VRK3: variants seen among roughly 807,000 people sequenced by gnomAD.
The protein encoded by VRK3 is serine/threonine-protein kinase VRK3.
Under a neutral mutation model 60.4 loss-of-function variants are expected in VRK3, and 50 were observed. That is an observed-to-expected ratio of 0.83 (90% CI 0.66 to 1.05). The LOEUF (loss-of-function observed/expected upper bound fraction) is 1.05. VRK3 is among the 50% of genes least tolerant of loss of function. The pLI is 0.00. For missense variants in VRK3, 549 were observed against 585.3 expected, an observed-to-expected ratio of 0.94 and a Z score of 0.64; for synonymous variants, 246 against 227.8, an observed-to-expected ratio of 1.08 and a Z score of -0.72.
At chr19:49,993,198 G>A (rs946962083) in intron 9 of VRK3, among the ~76,000 whole-genome samples, 2 of 152,166 alleles carry the variant, frequency 1.3e-5, no homozygotes, top group Non-Finnish European at 2.9e-5. Context: ...ATCTACTCCT[G>A]TATTTCTCTC....
At chr19:50,003,576 GAC>G (rs1334206792) in intron 5 of VRK3, among the ~76,000 whole-genome samples, 1 of 152,214 alleles carries the variant, frequency 6.6e-6, no homozygotes. Context: ...TTCAGTACTG[GAC>G]AGAGACACAA....
rs1473184307 is a variant in VRK3, at chr19:49,995,227, G to GT, written c.727dup (p.Thr243AsnfsTer57). 6.2e-7 allele frequency: 1 copy of GT among 1,614,118 alleles called. No homozygotes were observed. Among genetic ancestry groups the GT allele is most frequent in the African/African-American group, 1.3e-5 (1 of 74,950 alleles). ...CTGGTGAACACCGAAACCCATGCAG[G>GT]TAGGGATGGCCAGCAGTGGGGTCGA... On this transcript the variant is annotated frameshift_variant, in exon 8 of 15. Transcript: ENST00000316763. LOFTEE classifies it high-confidence loss of function.
chr19:49,986,820 G>C (rs1382698652), intron 12 of VRK3: 1 of 152,170 alleles, frequency 6.6e-6, no homozygotes, highest in Non-Finnish European at 1.5e-5. Flanking sequence ...AGATATTCCC[G>C]GGGTCTGAGT....
chr19:50,021,584 C>A (rs1049055241), intron 1 of VRK3, among the ~76,000 whole-genome samples: 1 of 152,220 alleles, frequency 6.6e-6, no homozygotes, highest in African/African-American at 2.4e-5. Context: ...ACCACTTAAA[C>A]CCCAGCCTTC....
intron 9 of VRK3, among the ~76,000 whole-genome samples, chr19:49,993,774 G>A (rs371772984): frequency 1.2e-3 from 189 of 152,124 alleles, no homozygotes; most frequent in African/African-American, 4.3e-3. Flanking sequence ...TGACCCCAGG[G>A]CTCTACTGTC....
At chr19:50,002,556 G>A (rs1243439751) in intron 5 of VRK3, among the ~76,000 whole-genome samples, 1 of 152,200 alleles carries the variant, frequency 6.6e-6, no homozygotes, top group African/African-American at 2.4e-5. Flanking sequence ...GGTACTCAGA[G>A]GCAAGCAGGA....
intron 5 of VRK3, among the ~76,000 whole-genome samples, chr19:50,007,220 C>G (rs1393850402): frequency 6.6e-6 from 1 of 152,178 alleles, no homozygotes; most frequent in Non-Finnish European, 1.5e-5. Flanking sequence ...TCTCTGCACA[C>G]TGGCCAGAAC....
At chr19:50,016,288 G>A (rs1568816284) in intron 2 of VRK3, 125 bp from the exon 3 acceptor site, 1 of 1,263,728 alleles carries the variant, frequency 7.9e-7, no homozygotes, top group Non-Finnish European at 1.1e-6. Context: ...TCAACTGTTT[G>A]TGATGTTCAC....
At chr19:49,983,204 A>G (rs1199087978) in intron 12 of VRK3, among the ~76,000 whole-genome samples, 1 of 107,372 alleles carries the variant, frequency 9.3e-6, no homozygotes, top group Admixed American at 1.2e-4. Context: ...CCTTCCTCCC[A>G]TTGCATGTCC....
At position 50,013,675 on chromosome 19, in the gene VRK3, A is replaced by G. The variant is rs2077030983; in HGVS notation, c.139+2349T>C. Among the ~76,000 whole-genome samples, 4 of 152,334 alleles carry G rather than the reference A, an allele frequency of 2.6e-5. No homozygotes were observed. The South Asian group carries it at 8.3e-4, about 32-fold the overall frequency. On this transcript the variant is annotated intron_variant, in intron 3 of 14. Coordinates refer to ENST00000316763, the MANE Select transcript of VRK3 (RefSeq NM_016440.4). ...TGATATTTAATTAATTCATTCAACC[A>G]GTCAGTAAGATTTCTCAGCACCCAA...
chr19:49,981,545 AAAAACAAAAC>A (rs756111202), intron 12 of VRK3: 1 of 435,938 alleles, frequency 2.3e-6, no homozygotes, highest in Non-Finnish European at 3.1e-6. Flanking sequence ...ACTCCGTCTC[AAAAACAAAAC>A]AAAACAAAAC....
At chr19:49,998,957 A>G (rs2076752207) in intron 6 of VRK3, 3 of 134,284 alleles carry the variant, frequency 2.2e-5, no homozygotes, top group African/African-American at 1.1e-4. Context: ...AGAAAAAAAA[A>G]AAAAAAAAAA....
intron 11 of VRK3, among the ~76,000 whole-genome samples, chr19:49,989,248 A>T (rs183950867): frequency 6.6e-6 from 1 of 152,234 alleles, no homozygotes; most frequent in Admixed American, 6.5e-5. Context: ...ATCCTCTCCC[A>T]GGGCTTCGGC....
rs140525625 is a variant in VRK3 at position 50,008,516 on chromosome 19, C to T, written c.290-690G>A. ...TGCCACTGTGGCTGTGGCTTCAGAT[C>T]CAGGGGCTCAGTGAACAGGAGAAGG... is the stretch of plus-strand genomic sequence containing the variant. On this transcript the variant is annotated intron_variant, in intron 4 of 14. Transcript: ENST00000316763. 1.7e-3 allele frequency among the ~76,000 whole-genome samples: 259 copies of T among 152,266 alleles called. 2 individuals are homozygous for T. Among genetic ancestry groups the T allele is most frequent in the African/African-American group, 6.0e-3 (250 of 41,538 alleles).
chr19:49,992,726 T>G, intron 10 of VRK3, 134 bp downstream of exon 10: 1 of 742,596 alleles, frequency 1.3e-6, no homozygotes, highest in Non-Finnish European at 2.2e-6. Flanking sequence ...TCTTATTTAT[T>G]TGAAGGAGCT....
In VRK3 at chr19:49,988,100, A is replaced by C. The variant is rs533149488; in HGVS notation, c.1217+272T>G. ...GTCCCATAAGGTAGTAGCTAGTAGG[A>C]GACCATCTCATGGAGCAGGACACTG... On this transcript the variant is annotated intron_variant, in intron 12 of 14. Coordinates refer to ENST00000316763, the MANE Select transcript of VRK3 (RefSeq NM_016440.4). 4.3e-4 allele frequency: 128 copies of C among 295,616 alleles called. 1 individual carries two copies. The highest frequency in any genetic ancestry group is 2.3e-3 in the Middle Eastern group (2 of 872). 18.3% of individuals were successfully genotyped at this position (295,616 alleles called of 1,614,324 possible).
chr19:49,991,637 G>A (rs902471513), intron 10 of VRK3, among the ~76,000 whole-genome samples: 2 of 152,106 alleles, frequency 1.3e-5, no homozygotes, highest in Non-Finnish European at 2.9e-5. Context: ...CTCAGTCCAC[G>A]CAGTTCAGGT....
At chr19:49,987,601 A>T (rs1456099131) in intron 12 of VRK3, 1 of 151,330 alleles carries the variant, frequency 6.6e-6, no homozygotes, top group Non-Finnish European at 1.5e-5. Flanking sequence ...GACACTGCAT[A>T]GGTGGTGCTA....
chr19:49,988,625 G>T, intron 11 of VRK3, 133 bp from the exon 12 acceptor site: 2 of 1,242,698 alleles, frequency 1.6e-6, no homozygotes, highest in Middle Eastern at 2.9e-4. Flanking sequence ...AGCCATATGG[G>T]CTGTCTCCTC....
Sources: gnomAD v4.1 joint callset for allele counts (sites outside exome capture counted in the v4.1 genomes callset) on GRCh38, gnomAD v4.1.1 for gene constraint, MANE v1.5 for transcripts, NCBI Gene and HGNC (gene_info 2026-07-23, HGNC 2026-07-21) for gene names.